The following ACAA2 variants were observed in gnomAD, a reference collection of about 807,000 sequenced individuals.
ACAA2 encodes the protein 3-ketoacyl-CoA thiolase, mitochondrial.
A neutral mutation model predicts 44.8 loss-of-function variants in ACAA2; 35 were observed. The ratio of observed to expected loss-of-function variants is 0.78; its 90% CI spans 0.60 to 1.04. The LOEUF is 1.04. ACAA2 is among the 50% of genes least tolerant of loss of function. ACAA2 has a pLI of 0.00. For synonymous variants in ACAA2, 142 were observed against 166.5 expected, an observed-to-expected ratio of 0.85 and a Z score of 1.13; for missense variants, 468 against 482.6, an observed-to-expected ratio of 0.97 and a Z score of 0.28.
At chr18:49,794,810 C>G (rs529591399) in intron 4 of ACAA2, among the ~76,000 whole-genome samples, 1 of 152,314 alleles carries the variant, frequency 6.6e-6, no homozygotes, top group East Asian at 1.9e-4. Context: ...TCTTTGTAAA[C>G]CAGCCCTGAG....
chr18:49,791,723 T>C (rs1039482689), intron 6 of ACAA2, 124 bp from the exon 7 acceptor site: 60 of 926,704 alleles, frequency 6.5e-5, no homozygotes, highest in Non-Finnish European at 8.2e-5. Flanking sequence ...CAGTGTGAGA[T>C]ACAATTAGAA....
Position 49,783,767 on chromosome 18 carries a change from A to G in ACAA2, c.*80T>C. 1.7e-6 allele frequency: 2 copies of G among 1,182,848 alleles called. No homozygotes were observed. Among genetic ancestry groups the G allele is most frequent in the Non-Finnish European group, 2.5e-6 (2 of 804,226 alleles). 73.3% of individuals were successfully genotyped at this position (1,182,848 alleles called of 1,614,324 possible). On this transcript the variant is annotated 3_prime_UTR_variant, in exon 10 of 10. Transcript: ENST00000285093. The stretch of plus-strand genomic sequence containing the variant: ...ATGGCAGGGCATGGCCAGTTGTGGC[A>G]GCTGCTCTGAAGGTCACTTGTTTTA...
intron 1 of ACAA2, among the ~76,000 whole-genome samples, chr18:49,811,927 T>C (rs1204975927): frequency 6.6e-6 from 1 of 152,196 alleles, no homozygotes; most frequent in Non-Finnish European, 1.5e-5. Context: ...TTTGGGTTTA[T>C]AGTATTTGTG....
intron 8 of ACAA2, chr18:49,786,100 G>GTAAC (rs2023325893): frequency 6.6e-6 from 1 of 152,128 alleles, no homozygotes; most frequent in Admixed American, 6.5e-5. Flanking sequence ...TCTAAGAAAG[G>GTAAC]TAACTTTTGC....
At chr18:49,797,615 A>C (rs765463040) in intron 2 of ACAA2, 21 bp from the exon 3 acceptor site, 7 of 1,567,542 alleles carry the variant, frequency 4.5e-6, no homozygotes, top group Non-Finnish European at 6.0e-6. Flanking sequence ...GAAGGAAAAG[A>C]AAAATAATTT....
intron 6 of ACAA2, 147 bp downstream of exon 6, chr18:49,792,005 G>T: frequency 1.8e-6 from 1 of 543,874 alleles, no homozygotes; most frequent in South Asian, 5.3e-5. Context: ...GTGGGTCTAT[G>T]AAAACCTAAA....
At chr18:49,805,194 G>A (rs1216280978) in intron 1 of ACAA2, among the ~76,000 whole-genome samples, 1 of 152,174 alleles carries the variant, frequency 6.6e-6, no homozygotes, top group Non-Finnish European at 1.5e-5. Context: ...ATCTACAAAT[G>A]AGACTATTCA....
chr18:49,812,601 T>C (rs943693434), intron 1 of ACAA2: 14 of 152,218 alleles, frequency 9.2e-5, no homozygotes, highest in Admixed American at 8.5e-4. Flanking sequence ...CAATAGATCC[T>C]TAAATGGTCT....
chr18:49,784,050 C>T (rs573837775), intron 9 of ACAA2, 119 bp from the exon 10 acceptor site: 727 of 789,240 alleles, frequency 9.2e-4, no homozygotes, highest in Non-Finnish European at 1.1e-3. Flanking sequence ...TCAATCTTTT[C>T]CCCAGTCCTC....
rs151022375 is a variant in ACAA2 at position 49,802,810 on chromosome 18, G to C, written c.60C>G (p.Tyr20Ter). The C allele has an allele frequency of 9.1e-5, 147 of 1,614,068 alleles. No homozygotes were observed. The African/African-American group carries it at 1.6e-3, about 18-fold the overall frequency. Residue 20 changes from tyrosine to a stop codon, truncating the protein, a stop_gained, in exon 2 of 10, where the codon TAC (tyrosine) becomes TAG (stop). Coordinates refer to ENST00000285093, the MANE Select transcript of ACAA2 (RefSeq NM_006111.3). LOFTEE classifies it high-confidence loss of function. ...VAAKRTPFGA[Y>*]GGLLKDFTAT... The stretch of plus-strand genomic sequence containing the variant: ...CAGTGAAGTCTTTCAGAAGGCCTCC[G>C]TAAGCTCCAAAGGGCGTTCGCTTAG...
In ACAA2 at chr18:49,785,297, C is replaced by A; in HGVS notation, c.1009G>T (p.Asp337Tyr). The change falls in exon 9 of 10, where the codon GAC (aspartate) becomes TAC (tyrosine). Residue 337 changes from aspartate (D) to tyrosine (Y), a missense_variant. By Grantham distance (160) the Asp-to-Tyr change is radical (BLOSUM62 -3). Coordinates refer to ENST00000285093, the MANE Select transcript of ACAA2 (RefSeq NM_006111.3). Reference sequence around the variant, plus strand: ...CCATTCACATTGGTTTTACTTATGTCAAGATCCAAACTCCTCTCAACAGCC... The same window carrying A: ...CCATTCACATTGGTTTTACTTATGTAAAGATCCAAACTCCTCTCAACAGCC... ...YLAVERSLDL[D>Y]ISKTNVNGGA... 1 of 1,614,174 alleles carries A rather than the reference C, an allele frequency of 6.2e-7. No individual in the cohort carries two copies. Among genetic ancestry groups the A allele is most frequent in the Non-Finnish European group, 8.5e-7 (1 of 1,180,024 alleles).
intron 2 of ACAA2, among the ~76,000 whole-genome samples, chr18:49,801,347 T>C (rs1458901460): frequency 6.6e-6 from 1 of 152,196 alleles, no homozygotes; most frequent in South Asian, 2.1e-4. Flanking sequence ...ATACTATTTA[T>C]AGTGACTTTG....
chr18:49,797,597 A>G lies in ACAA2; in HGVS notation c.184-3T>C. 1 of 1,584,114 alleles carries G rather than the reference A, an allele frequency of 6.3e-7. No homozygotes were observed. The highest frequency in any genetic ancestry group is 8.5e-7 in the Non-Finnish European group (1 of 1,170,810). On this transcript the variant is annotated splice_polypyrimidine_tract_variant and splice_region_variant and intron_variant, in intron 2 of 9. Transcript: ENST00000285093. ...AAATATATAGCATCTGAAGAACTCT[A>G]GAAGAGAGAAGGAAAAGAAAAATAA...
intron 1 of ACAA2, among the ~76,000 whole-genome samples, chr18:49,810,064 G>A (rs182856129): frequency 1.4e-4 from 21 of 151,836 alleles, no homozygotes; most frequent in East Asian, 7.7e-4. Flanking sequence ...CTTTAAAGTC[G>A]GATAGTAAAA....
At chr18:49,802,071 T>C (rs1277538932) in intron 2 of ACAA2, among the ~76,000 whole-genome samples, 1 of 152,114 alleles carries the variant, frequency 6.6e-6, no homozygotes, top group African/African-American at 2.4e-5. Flanking sequence ...AGGTGTGCTG[T>C]AATGGCTTGG....
chr18:49,798,373 T>A (rs1010023033), intron 2 of ACAA2, among the ~76,000 whole-genome samples: 1 of 152,024 alleles, frequency 6.6e-6, no homozygotes, highest in African/African-American at 2.4e-5. Flanking sequence ...AAGTTCTGAA[T>A]CAACAGGTCT....
At chr18:49,784,589 A>C (rs1325088642) in intron 9 of ACAA2, among the ~76,000 whole-genome samples, 2 of 152,180 alleles carry the variant, frequency 1.3e-5, no homozygotes, top group Non-Finnish European at 2.9e-5. Flanking sequence ...CCCTGGCCTA[A>C]CAGGGAGTCA....
At chr18:49,792,825 A>C (rs1222561392) in intron 5 of ACAA2, among the ~76,000 whole-genome samples, 1 of 152,026 alleles carries the variant, frequency 6.6e-6, no homozygotes, top group Non-Finnish European at 1.5e-5. Flanking sequence ...ATGTAGTTGC[A>C]TTTTGCATCT....
intron 2 of ACAA2, among the ~76,000 whole-genome samples, chr18:49,801,743 T>A (rs1219975236): frequency 1.4e-5 from 2 of 146,166 alleles, no homozygotes; most frequent in Admixed American, 1.4e-4. Flanking sequence ...TATATATTTG[T>A]GTGTGTATAT....
Sources: allele counts gnomAD v4.1 joint callset (sites outside exome capture counted in the v4.1 genomes callset), GRCh38; gene constraint gnomAD v4.1.1; transcripts MANE v1.5; gene names NCBI Gene and HGNC (gene_info 2026-07-23, HGNC 2026-07-21).